SDK1: variants seen among roughly 807,000 people sequenced by gnomAD.
SDK1 encodes the protein protein sidekick-1.
A neutral mutation model predicts 245.5 loss-of-function variants in SDK1; 157 were observed. That is an observed-to-expected ratio of 0.64 (90% CI 0.56 to 0.73). The LOEUF (loss-of-function observed/expected upper bound fraction) is 0.73. Among genes scored for constraint, SDK1 ranks in the 30% least tolerant of loss-of-function variants. The pLI is 0.00. For synonymous variants in SDK1, 1,647 were observed against 1,278.5 expected (o/e 1.29, Z -6.15); for missense variants, 3,583 against 3,002.3 (o/e 1.19, Z -4.52).
chr7:3,447,291 C>G (rs6963701), intron 1 of SDK1, among the ~76,000 whole-genome samples: 20 of 151,858 alleles, frequency 1.3e-4, no homozygotes, highest in African/African-American at 4.1e-4. Context: ...TATTGTGAAG[C>G]GAAACTTATC....
chr7:3,707,416 C>T (rs1410284072), intron 4 of SDK1, among the ~76,000 whole-genome samples: 1 of 152,178 alleles, frequency 6.6e-6, no homozygotes, highest in South Asian at 2.1e-4. Context: ...AGAGAAAATA[C>T]TTGAAGTGAT....
intron 1 of SDK1, among the ~76,000 whole-genome samples, chr7:3,570,083 T>C (rs140402639): frequency 2.7e-4 from 41 of 152,322 alleles, no homozygotes; most frequent in Non-Finnish European, 5.3e-4. Flanking sequence ...TGGCTCCTAC[T>C]TCTCTGTGTC....
At chr7:3,576,805 A>G (rs1208483229) in intron 1 of SDK1, among the ~76,000 whole-genome samples, 2 of 152,150 alleles carry the variant, frequency 1.3e-5, no homozygotes, top group East Asian at 1.9e-4. Flanking sequence ...ATTCAGGCAG[A>G]AGGTATTTAC....
intron 5 of SDK1, among the ~76,000 whole-genome samples, chr7:3,900,810 T>G (rs1781762339): frequency 6.6e-6 from 1 of 152,158 alleles, no homozygotes; most frequent in African/African-American, 2.4e-5. Context: ...GCAGATTTGT[T>G]GCAGACATTC....
chr7:3,523,609 G>A (rs986595374), intron 1 of SDK1, among the ~76,000 whole-genome samples: 2 of 151,992 alleles, frequency 1.3e-5, no homozygotes, highest in African/African-American at 4.8e-5. Context: ...CTCAATGTGC[G>A]CTGCTTTCCA....
intron 1 of SDK1, among the ~76,000 whole-genome samples, chr7:3,371,942 A>G (rs1360053790): frequency 6.6e-6 from 1 of 152,188 alleles, no homozygotes; most frequent in Admixed American, 6.5e-5. Context: ...CAGGAGATAG[A>G]GCAGGTTGTG....
At chr7:4,210,274 C>T (rs1242636701) in intron 38 of SDK1, 112 bp downstream of exon 38, 28 of 1,141,510 alleles carry the variant, frequency 2.5e-5, no homozygotes, top group African/African-American at 3.2e-5. Context: ...AGCCTTCTGG[C>T]GCCTGAAGTG....
At chr7:3,410,520 G>T (rs1374168870) in intron 1 of SDK1, among the ~76,000 whole-genome samples, 1 of 150,520 alleles carries the variant, frequency 6.6e-6, no homozygotes, top group Non-Finnish European at 1.5e-5. Context: ...TGTGACTGGA[G>T]CAATGTAACT....
At chr7:3,657,075 C>T (rs751247038) in intron 4 of SDK1, among the ~76,000 whole-genome samples, 1 of 152,084 alleles carries the variant, frequency 6.6e-6, no homozygotes, top group Non-Finnish European at 1.5e-5. Flanking sequence ...GTCAAAGTTA[C>T]CTTCTCCCCC....
intron 4 of SDK1, among the ~76,000 whole-genome samples, chr7:3,759,115 C>G (rs1780020633): frequency 6.6e-6 from 1 of 152,156 alleles, no homozygotes; most frequent in Non-Finnish European, 1.5e-5. Context: ...AACAAATTTA[C>G]CAACCAAAAT....
intron 4 of SDK1, among the ~76,000 whole-genome samples, chr7:3,734,903 C>T (rs558000201): frequency 1.6e-4 from 25 of 152,260 alleles, no homozygotes; most frequent in African/African-American, 6.0e-4. Context: ...AGCAGTCAGT[C>T]CTGTTCTTGG....
At chr7:3,800,824 T>A (rs1228569645) in intron 4 of SDK1, among the ~76,000 whole-genome samples, 3 of 152,218 alleles carry the variant, frequency 2.0e-5, no homozygotes, top group African/African-American at 7.2e-5. Context: ...GATAGCTTAT[T>A]GACCTGTAGA....
At chr7:3,590,321 T>TG (rs1780827678) in intron 1 of SDK1, among the ~76,000 whole-genome samples, 1 of 137,406 alleles carries the variant, frequency 7.3e-6, no homozygotes, top group African/African-American at 3.0e-5. Context: ...TTTTTTTTTT[T>TG]GCTTTGAAGT....
chr7:4,081,967 A>C (rs1163425110), intron 22 of SDK1, among the ~76,000 whole-genome samples: 1 of 152,222 alleles, frequency 6.6e-6, no homozygotes, highest in Admixed American at 6.5e-5. Flanking sequence ...TTTCACAGGC[A>C]TAATGTTTAA....
chr7:3,610,467 A>G (rs946293566), intron 1 of SDK1, among the ~76,000 whole-genome samples: 2 of 152,236 alleles, frequency 1.3e-5, no homozygotes, highest in Admixed American at 6.5e-5. Context: ...ACAGTTCAGT[A>G]TACTTCTACT....
At chr7:3,439,297 G>A (rs564248694) in intron 1 of SDK1, among the ~76,000 whole-genome samples, 15 of 152,056 alleles carry the variant, frequency 9.9e-5, no homozygotes, top group Non-Finnish European at 1.8e-4. Context: ...AACGTGTGTC[G>A]CTTTCTTGCT....
chr7:3,982,827 G>C (rs892814032), intron 13 of SDK1, among the ~76,000 whole-genome samples: 1 of 150,232 alleles, frequency 6.7e-6, no homozygotes, highest in South Asian at 2.1e-4. Context: ...GCGACAGAGC[G>C]AGACAACATC....
At chr7:3,657,994 G>A (rs1026482692) in intron 4 of SDK1, among the ~76,000 whole-genome samples, 1 of 152,308 alleles carries the variant, frequency 6.6e-6, no homozygotes, top group South Asian at 2.1e-4. Flanking sequence ...CATGAGGGTG[G>A]TGAAATGGCC....
chr7:3,479,679 T>C (rs372356326), intron 1 of SDK1, among the ~76,000 whole-genome samples: 1 of 151,702 alleles, frequency 6.6e-6, no homozygotes, highest in Non-Finnish European at 1.5e-5. Context: ...CTGGGCAACA[T>C]AGTGAAACCC....
Sources: gnomAD v4.1 joint callset for allele counts (sites outside exome capture counted in the v4.1 genomes callset) on GRCh38, gnomAD v4.1.1 for gene constraint, MANE v1.5 for transcripts, NCBI Gene and HGNC (gene_info 2026-07-23, HGNC 2026-07-21) for gene names.